Variants in MLLT3 observed in about 807,000 individuals in gnomAD.
MLLT3 encodes protein AF-9.
Under a neutral mutation model 53.2 loss-of-function variants are expected in MLLT3, and 4 were observed. The ratio of observed to expected loss-of-function variants is 0.08; its 90% confidence interval spans 0.04 to 0.17. MLLT3 has a LOEUF of 0.17. MLLT3 is among the 10% of genes least tolerant of loss of function. The pLI is 1.00. For missense variants in MLLT3, 569 were observed against 684.0 expected (o/e 0.83, Z 1.87); for synonymous variants, 283 against 230.6 (o/e 1.23, Z -2.06).
At chr9:20,540,641 G>A (rs1434293842) in intron 2 of MLLT3, among the ~76,000 whole-genome samples, 1 of 152,234 alleles carries the variant, frequency 6.6e-6, no homozygotes, top group Admixed American at 6.5e-5. Flanking sequence ...AAAGCAGCAG[G>A]GTCCTGGGCC....
chr9:20,456,794 A>G lies in MLLT3; in HGVS notation c.194-8T>C. On this transcript the variant is annotated splice_polypyrimidine_tract_variant and splice_region_variant and intron_variant, in intron 2 of 10. Transcript: ENST00000380338. The stretch of plus-strand genomic sequence containing the variant: ...AAGGTGGATCTTTGCACACTGCAAC[A>G]TTAAAAAAGAAAATAGGTAAGATGA... 6.4e-7 allele frequency: 1 copy of G among 1,558,408 alleles called. No individual in the cohort carries two copies. Among genetic ancestry groups the G allele is most frequent in the Non-Finnish European group, 8.7e-7 (1 of 1,153,604 alleles).
chr9:20,365,518 T>C, intron 6 of MLLT3, 151 bp downstream of exon 6: 4 of 872,216 alleles, frequency 4.6e-6, no homozygotes, highest in South Asian at 1.8e-5. Context: ...TTTGTATTTT[T>C]AGTAGAGACG....
chr9:20,415,491 G>A (rs940386417), intron 4 of MLLT3: 3 of 949,464 alleles, frequency 3.2e-6, no homozygotes, highest in Non-Finnish European at 3.8e-6. Flanking sequence ...GAAGATCCTG[G>A]ACATGCAAAA....
intron 2 of MLLT3, among the ~76,000 whole-genome samples, chr9:20,470,834 T>C (rs558147731): frequency 3.9e-5 from 6 of 152,104 alleles, no homozygotes; most frequent in Admixed American, 1.3e-4. Flanking sequence ...ATACATGCAT[T>C]TGCTCTCACA....
intron 2 of MLLT3, among the ~76,000 whole-genome samples, chr9:20,484,933 A>T (rs183125689): frequency 6.6e-6 from 1 of 152,308 alleles, no homozygotes; most frequent in East Asian, 1.9e-4. Context: ...TGAAAATATG[A>T]ATCAAATTTA....
At chr9:20,478,842 G>C (rs1824590930) in intron 2 of MLLT3, among the ~76,000 whole-genome samples, 1 of 152,154 alleles carries the variant, frequency 6.6e-6, no homozygotes, top group African/African-American at 2.4e-5. Context: ...GAGAGAAGGA[G>C]AGGAAGGGGA....
intron 4 of MLLT3, 115 bp from the exon 5 acceptor site, chr9:20,414,540 C>T (rs1180714849): frequency 6.8e-7 from 1 of 1,475,134 alleles, no homozygotes; most frequent in Non-Finnish European, 9.1e-7. Context: ...CATTAAAATA[C>T]CAAAAATATT....
At position 20,621,729 on chromosome 9, in the gene MLLT3, C is replaced by G; in HGVS notation, c.12+516G>C. On this transcript the variant is annotated intron_variant, in intron 1 of 10. Transcript: ENST00000380338. The surrounding 1 kb of genome is among the most constrained non-coding windows in gnomAD (Gnocchi z 7.0). ...TTGCGTGCGGCCCCGCCGCTGTCAG[C>G]CCCGCACACTTCGGCTCACACACGC... is the stretch of plus-strand genomic sequence containing the variant. The G allele has an allele frequency of 1.3e-6, 2 of 1,486,868 alleles. No homozygotes were observed. The highest frequency in any genetic ancestry group is 1.8e-6 in the Non-Finnish European group (2 of 1,123,092). The allele number at this position is 1,486,868 out of a possible 1,614,324, so 92.1% of individuals were successfully genotyped here. A position where few individuals can be genotyped will look rare whatever the true frequency, so the allele number is the denominator to read the frequency against.
chr9:20,364,816 T>G (rs535808775), intron 6 of MLLT3, among the ~76,000 whole-genome samples: 182 of 152,334 alleles, frequency 1.2e-3, no homozygotes, highest in African/African-American at 4.1e-3. Flanking sequence ...AAACACAAAT[T>G]CTACTTTGAT....
intron 4 of MLLT3, among the ~76,000 whole-genome samples, chr9:20,429,532 C>G (rs1823217009): frequency 6.8e-6 from 1 of 147,614 alleles, no homozygotes; most frequent in Non-Finnish European, 1.5e-5. Context: ...ATTAGCATAA[C>G]TAATCCAATT....
At chr9:20,462,751 C>T (rs1312449084) in intron 2 of MLLT3, among the ~76,000 whole-genome samples, 2 of 152,172 alleles carry the variant, frequency 1.3e-5, no homozygotes, top group Non-Finnish European at 2.9e-5. Context: ...AAAGCTAATG[C>T]TGTTTCCCAC....
intron 2 of MLLT3, among the ~76,000 whole-genome samples, chr9:20,462,658 C>A (rs764415380): frequency 1.3e-5 from 2 of 152,096 alleles, no homozygotes; most frequent in Non-Finnish European, 2.9e-5. Context: ...CTACCTTTTT[C>A]TCATTGCATC....
chr9:20,346,327 T>A lies in MLLT3; in HGVS notation c.*116A>T. On this transcript the variant is annotated 3_prime_UTR_variant, in exon 11 of 11. Coordinates refer to ENST00000380338, the MANE Select transcript of MLLT3 (RefSeq NM_004529.4). Reference sequence around the variant, plus strand: ...TTGATTTTTATTTTTTCCCTTTTGGTTGCATCATTTTGAGTGTTTTCATAT... The same window carrying A: ...TTGATTTTTATTTTTTCCCTTTTGGATGCATCATTTTGAGTGTTTTCATAT... 1.9e-6 allele frequency: 2 copies of A among 1,036,036 alleles called. No individual in the cohort carries two copies. Among genetic ancestry groups the A allele is most frequent in the Admixed American group, 3.1e-5 (1 of 32,288 alleles). 64.2% of individuals were successfully genotyped at this position (1,036,036 alleles called of 1,614,324 possible). A position where few individuals can be genotyped will look rare whatever the true frequency, so the allele number is the denominator to read the frequency against.
chr9:20,593,978 T>C (rs982212418), intron 2 of MLLT3, among the ~76,000 whole-genome samples: 6 of 151,590 alleles, frequency 4.0e-5, no homozygotes, highest in Non-Finnish European at 5.9e-5. Context: ...TCTTGCTCTG[T>C]TGCCCAGGCT....
intron 3 of MLLT3, among the ~76,000 whole-genome samples, chr9:20,453,537 T>C (rs935739638): frequency 4.3e-4 from 65 of 152,152 alleles, no homozygotes; most frequent in African/African-American, 1.4e-3. Context: ...TACTCCAGCC[T>C]GGGTGACAGA....
At chr9:20,467,700 T>A (rs1272809589) in intron 2 of MLLT3, among the ~76,000 whole-genome samples, 1 of 152,210 alleles carries the variant, frequency 6.6e-6, no homozygotes, top group Admixed American at 6.5e-5. Context: ...GCAAAGCATA[T>A]TGCCTATTGC....
intron 2 of MLLT3, among the ~76,000 whole-genome samples, chr9:20,581,437 T>C (rs1357752657): frequency 6.6e-6 from 1 of 152,202 alleles, no homozygotes; most frequent in Non-Finnish European, 1.5e-5. Flanking sequence ...TATCTTTTCA[T>C]TAAATCAGGA....
chr9:20,352,399 A>G (rs1300813692), intron 10 of MLLT3, among the ~76,000 whole-genome samples: 1 of 152,220 alleles, frequency 6.6e-6, no homozygotes, highest in African/African-American at 2.4e-5. Flanking sequence ...GGAAAATGAC[A>G]GGTAAAACAA....
chr9:20,443,433 C>T (rs576326067), intron 4 of MLLT3, among the ~76,000 whole-genome samples: 6 of 152,214 alleles, frequency 3.9e-5, no homozygotes, highest in African/African-American at 1.4e-4. Context: ...GTTAAGAATC[C>T]ATTTTTCTAA....
Sources: gnomAD v4.1 joint callset for allele counts (sites outside exome capture counted in the v4.1 genomes callset) on GRCh38, gnomAD v4.1.1 for gene constraint, Gnocchi (gnomAD v3.1) non-coding constraint, MANE v1.5 for transcripts, NCBI Gene and HGNC (gene_info 2026-07-23, HGNC 2026-07-21) for gene names.